Variants in HYAL4 observed in about 807,000 individuals in gnomAD.
HYAL4 encodes the protein hyaluronidase 4, also known as hyaluronidase-4.
A neutral mutation model predicts 35.2 loss-of-function variants in HYAL4; 37 were observed. The observed-to-expected ratio is 1.05, with a 90% CI of 0.81 to 1.38. HYAL4 has a LOEUF of 1.38. HYAL4 is among the 40% of genes most tolerant of loss of function. The pLI is 0.00. For missense variants in HYAL4, 572 were observed against 572.4 expected (o/e 1.00, Z 0.01); for synonymous variants, 198 against 203.2 (o/e 0.97, Z 0.22).
the HYAL4 span, among the ~76,000 whole-genome samples, chr7:123,797,216 A>G: frequency 6.6e-6 from 1 of 152,262 alleles, no homozygotes; most frequent in African/African-American, 2.4e-5. Context: ...AACAGGTTCT[A>G]TGAAGTTTTA....
the HYAL4 span, among the ~76,000 whole-genome samples, chr7:123,817,510 C>CTT: frequency 0.014 from 1,698 of 122,144 alleles, 46 homozygotes; most frequent in Non-Finnish European, 0.021. Flanking sequence ...CATTCTTCTT[C>CTT]TTTTTTTTTT....
the HYAL4 span, among the ~76,000 whole-genome samples, chr7:123,776,440 G>A: frequency 6.6e-6 from 1 of 152,048 alleles, no homozygotes; most frequent in African/African-American, 2.4e-5. Flanking sequence ...TTTTGAGATG[G>A]GGAATCACTC....
chr7:123,801,434 T>A, the HYAL4 span, among the ~76,000 whole-genome samples: 3 of 152,194 alleles, frequency 2.0e-5, no homozygotes, highest in Non-Finnish European at 4.4e-5. Flanking sequence ...CTCATTAGCT[T>A]GAACCATAAA....
upstream of HYAL4, among the ~76,000 whole-genome samples, chr7:123,843,099 G>T (rs1196955672): frequency 1.3e-5 from 2 of 151,988 alleles, no homozygotes; most frequent in Non-Finnish European, 2.9e-5. Flanking sequence ...AGCATCGATG[G>T]TCTTTACAAT....
chr7:123,790,940 T>C, the HYAL4 span, among the ~76,000 whole-genome samples: 1 of 152,002 alleles, frequency 6.6e-6, no homozygotes, highest in Admixed American at 6.5e-5. Flanking sequence ...AATTTTTGTA[T>C]TTTTAGTAGA....
chr7:123,766,364 T>G, the HYAL4 span, among the ~76,000 whole-genome samples: 3 of 152,174 alleles, frequency 2.0e-5, no homozygotes, highest in Non-Finnish European at 4.4e-5. Flanking sequence ...GATAGCTAAT[T>G]GTTTGCTATT....
the HYAL4 span, among the ~76,000 whole-genome samples, chr7:123,781,272 G>T: frequency 2.2e-5 from 2 of 91,664 alleles, no homozygotes; most frequent in East Asian, 5.5e-4. Flanking sequence ...GCATTGAGAT[G>T]TTTATGTGTA....
intron 4 of HYAL4, among the ~76,000 whole-genome samples, chr7:123,876,299 G>C (rs1050616608): frequency 6.6e-6 from 1 of 152,202 alleles, no homozygotes; most frequent in Non-Finnish European, 1.5e-5. Context: ...TATGATTCAG[G>C]CTCTAACACA....
the HYAL4 span, chr7:123,790,746 G>A: frequency 6.6e-6 from 1 of 151,928 alleles, no homozygotes; most frequent in South Asian, 2.1e-4. Flanking sequence ...ACCATATTAT[G>A]TACTACATAT....
the HYAL4 span, among the ~76,000 whole-genome samples, chr7:123,816,675 T>G: frequency 1.3e-5 from 2 of 152,164 alleles, no homozygotes; most frequent in Admixed American, 6.5e-5. Flanking sequence ...ATATGCTAAG[T>G]ATCACCTCTG....
the HYAL4 span, among the ~76,000 whole-genome samples, chr7:123,806,460 T>G: frequency 0.012 from 1,893 of 152,204 alleles, 33 homozygotes; most frequent in African/African-American, 0.043. Flanking sequence ...CTTTTTTTTT[T>G]GGGACGGAGT....
the HYAL4 span, among the ~76,000 whole-genome samples, chr7:123,765,296 T>G: frequency 6.6e-6 from 1 of 152,140 alleles, no homozygotes; most frequent in Admixed American, 6.5e-5. Context: ...TCTAAGCAAG[T>G]TTCTAAGAAG....
chr7:123,824,576 C>T (rs1320464953), upstream of HYAL4, among the ~76,000 whole-genome samples: 1 of 152,050 alleles, frequency 6.6e-6, no homozygotes, highest in Non-Finnish European at 1.5e-5. Context: ...CAACTCTCAC[C>T]ACCACCTCCT....
chr7:123,830,129 A>G (rs1805858450), intron 1 of HYAL4, among the ~76,000 whole-genome samples: 1 of 152,208 alleles, frequency 6.6e-6, no homozygotes, highest in Non-Finnish European at 1.5e-5. Flanking sequence ...TCAAGTTAAA[A>G]ACAGATCATG....
intron 3 of HYAL4, among the ~76,000 whole-genome samples, chr7:123,869,554 A>G (rs1246693638): frequency 6.6e-6 from 1 of 152,230 alleles, no homozygotes; most frequent in Non-Finnish European, 1.5e-5. Context: ...AATGATCGGC[A>G]GTGAGCAGGT....
At chr7:123,788,846 T>A in the HYAL4 span, among the ~76,000 whole-genome samples, 2 of 152,228 alleles carry the variant, frequency 1.3e-5, no homozygotes. Context: ...GTTCGTAAAA[T>A]TCCTTCATTA....
chr7:123,834,690 C>T (rs1169448044), intron 1 of HYAL4, among the ~76,000 whole-genome samples: 1 of 152,102 alleles, frequency 6.6e-6, no homozygotes, highest in Non-Finnish European at 1.5e-5. Context: ...AGCTTTTCCC[C>T]ATTCAGTATT....
At chr7:123,787,924 C>G in the HYAL4 span, among the ~76,000 whole-genome samples, 1 of 152,084 alleles carries the variant, frequency 6.6e-6, no homozygotes, top group African/African-American at 2.4e-5. Flanking sequence ...TGTTGTGTGC[C>G]CATCCCCTCT....
chr7:123,853,030 C>T (rs1806347325), intron 2 of HYAL4, among the ~76,000 whole-genome samples: 1 of 152,112 alleles, frequency 6.6e-6, no homozygotes, highest in African/African-American at 2.4e-5. Context: ...TGATTTGGCT[C>T]TCCGTTGGTC....
Sources: allele counts gnomAD v4.1 joint callset (sites outside exome capture counted in the v4.1 genomes callset), GRCh38; gene constraint gnomAD v4.1.1; transcripts MANE v1.5; gene names NCBI Gene and HGNC (gene_info 2026-07-23, HGNC 2026-07-21).